Variants in ADAMTSL1 observed in about 807,000 individuals in gnomAD.
ADAMTSL1 encodes ADAMTS like 1, also known as ADAMTS-like protein 1.
Under a neutral mutation model 201.8 loss-of-function variants are expected in ADAMTSL1, and 126 were observed. The observed-to-expected ratio is 0.62, with a 90% CI of 0.54 to 0.72. The LOEUF (loss-of-function observed/expected upper bound fraction) is 0.72. Ranked by LOEUF, ADAMTSL1 falls within the 30% of genes least tolerant of loss-of-function variation. ADAMTSL1 has a pLI of 0.00. For missense variants in ADAMTSL1, 2,679 were observed against 2,277.8 expected (o/e 1.18, Z -3.59); for synonymous variants, 1,121 against 903.4 (o/e 1.24, Z -4.32).
At chr9:18,155,640 T>C (rs778287853) in intron 1 of ADAMTSL1, among the ~76,000 whole-genome samples, 1 of 152,050 alleles carries the variant, frequency 6.6e-6, no homozygotes, top group Non-Finnish European at 1.5e-5. Flanking sequence ...CCATGTGGCC[T>C]AGAGAAGCCA....
chr9:18,778,718 C>T (rs1821210464), intron 19 of ADAMTSL1, among the ~76,000 whole-genome samples: 1 of 152,178 alleles, frequency 6.6e-6, no homozygotes, highest in South Asian at 2.1e-4. Flanking sequence ...TGTTTTATCT[C>T]ACTGAATAGA....
chr9:18,822,626 G>A (rs1449261700), intron 21 of ADAMTSL1, among the ~76,000 whole-genome samples: 4 of 152,112 alleles, frequency 2.6e-5, no homozygotes, highest in Non-Finnish European at 5.9e-5. Flanking sequence ...TGATGTAATC[G>A]TTCAGGCATC....
chr9:18,574,485 G>A, intron 4 of ADAMTSL1: 1 of 603,024 alleles, frequency 1.7e-6, no homozygotes, highest in East Asian at 2.7e-5. Flanking sequence ...CTTTCCTTGA[G>A]TGTCACTTGA....
intron 2 of ADAMTSL1, among the ~76,000 whole-genome samples, chr9:18,172,645 A>G (rs1283255146): frequency 1.3e-5 from 2 of 152,104 alleles, no homozygotes; most frequent in Non-Finnish European, 2.9e-5. Context: ...ACCTTAGAGA[A>G]GCCCTTACAC....
chr9:18,681,606 A>C, intron 11 of ADAMTSL1: 5 of 382,882 alleles, frequency 1.3e-5, no homozygotes. Context: ...AAAGTGATTT[A>C]ATTTTCAGCG....
chr9:18,737,720 C>G (rs1818596231), intron 15 of ADAMTSL1, among the ~76,000 whole-genome samples: 1 of 152,182 alleles, frequency 6.6e-6, no homozygotes, highest in South Asian at 2.1e-4. Context: ...TAAATTCTCC[C>G]ATTTTATCTG....
chr9:18,175,006 G>A (rs527563446), intron 2 of ADAMTSL1, among the ~76,000 whole-genome samples: 4 of 152,190 alleles, frequency 2.6e-5, no homozygotes, highest in South Asian at 2.1e-4. Context: ...ACATATAAAC[G>A]TTTCTTTTGC....
intron 1 of ADAMTSL1, among the ~76,000 whole-genome samples, chr9:18,041,488 A>G (rs1821423747): frequency 6.6e-6 from 1 of 152,194 alleles, no homozygotes; most frequent in South Asian, 2.1e-4. Context: ...ATTTGACACT[A>G]TTATAAATGC....
At chr9:17,962,393 A>T (rs909705171) in intron 1 of ADAMTSL1, among the ~76,000 whole-genome samples, 10 of 152,186 alleles carry the variant, frequency 6.6e-5, no homozygotes, top group Admixed American at 5.9e-4. Flanking sequence ...CACAGTATCA[A>T]GCGTTATTAT....
At chr9:18,335,541 G>A (rs530147585) in intron 2 of ADAMTSL1, among the ~76,000 whole-genome samples, 2 of 152,056 alleles carry the variant, frequency 1.3e-5, no homozygotes, top group Non-Finnish European at 2.9e-5. Flanking sequence ...GTTTTCTGAG[G>A]ACAGATGACT....
intron 23 of ADAMTSL1, among the ~76,000 whole-genome samples, chr9:18,843,160 C>G (rs1333569629): frequency 1.3e-5 from 2 of 150,838 alleles, no homozygotes; most frequent in African/African-American, 2.5e-5. Context: ...CATGATTTTG[C>G]AGTGGCTGGT....
intron 6 of ADAMTSL1, 94 bp downstream of exon 6, chr9:18,636,111 A>C: frequency 9.6e-7 from 1 of 1,041,720 alleles, no homozygotes; most frequent in South Asian, 1.7e-5. Flanking sequence ...ACAAGAATAC[A>C]AATCTTTCTA....
chr9:17,949,731 C>A (rs997509636), intron 1 of ADAMTSL1, among the ~76,000 whole-genome samples: 1 of 152,138 alleles, frequency 6.6e-6, no homozygotes, highest in African/African-American at 2.4e-5. Context: ...CCATATGTAT[C>A]TCCTGTGCTT....
At chr9:18,359,321 C>T (rs979949957) in intron 2 of ADAMTSL1, among the ~76,000 whole-genome samples, 2 of 152,092 alleles carry the variant, frequency 1.3e-5, no homozygotes, top group African/African-American at 4.8e-5. Flanking sequence ...TTCTTCTGCC[C>T]CCAGAATCCG....
At chr9:18,452,931 G>A (rs562981358) in intron 2 of ADAMTSL1, among the ~76,000 whole-genome samples, 2 of 152,350 alleles carry the variant, frequency 1.3e-5, no homozygotes, top group East Asian at 3.9e-4. Flanking sequence ...TAGCTCTATA[G>A]TTCTGGGTCC....
At chr9:18,357,317 T>C (rs1417797522) in intron 2 of ADAMTSL1, among the ~76,000 whole-genome samples, 1 of 152,140 alleles carries the variant, frequency 6.6e-6, no homozygotes, top group Non-Finnish European at 1.5e-5. Context: ...GATTAGGAGC[T>C]TTAATTAAAT....
At chr9:18,564,175 T>C (rs1001800019) in intron 3 of ADAMTSL1, among the ~76,000 whole-genome samples, 4 of 152,224 alleles carry the variant, frequency 2.6e-5, no homozygotes, top group African/African-American at 9.6e-5. Flanking sequence ...GTCTGCGCAT[T>C]GCAAAGACTG....
chr9:18,758,836 G>T (rs939638360), intron 16 of ADAMTSL1, among the ~76,000 whole-genome samples: 2 of 152,130 alleles, frequency 1.3e-5, no homozygotes, highest in East Asian at 3.9e-4. Context: ...CTGCTATATT[G>T]TGAGTGAAGC....
chr9:17,957,640 T>G (rs567735030), intron 1 of ADAMTSL1, among the ~76,000 whole-genome samples: 1 of 152,302 alleles, frequency 6.6e-6, no homozygotes, highest in African/African-American at 2.4e-5. Flanking sequence ...TCATGTCCAC[T>G]TAGAACCTCA....
Sources: gnomAD v4.1 joint callset for allele counts (sites outside exome capture counted in the v4.1 genomes callset) on GRCh38, gnomAD v4.1.1 for gene constraint, MANE v1.5 for transcripts, NCBI Gene and HGNC (gene_info 2026-07-23, HGNC 2026-07-21) for gene names.